SLC44A5: variants seen among roughly 807,000 people sequenced by gnomAD.
The protein encoded by SLC44A5 is solute carrier family 44 member 5, also known as choline transporter-like protein 5.
In SLC44A5, 57 loss-of-function variants were observed where a neutral mutation model predicts 101.8. The observed-to-expected ratio is 0.56, with a 90% CI of 0.45 to 0.70. SLC44A5 has a LOEUF of 0.70. Among genes scored for constraint, SLC44A5 ranks in the 30% least tolerant of loss-of-function variants. The pLI, the probability that SLC44A5 is intolerant of heterozygous loss-of-function variation, is 0.00. For synonymous variants in SLC44A5, 281 were observed against 290.9 expected (o/e 0.97, Z 0.35); for missense variants, 737 against 853.1 (o/e 0.86, Z 1.70).
chr1:75,397,267 G>A (rs529724803), intron 2 of SLC44A5, among the ~76,000 whole-genome samples: 16 of 152,234 alleles, frequency 1.1e-4, no homozygotes, highest in Admixed American at 3.3e-4. Flanking sequence ...GCATCCTAAT[G>A]CTTCAAGTGT....
At chr1:75,605,948 G>T (rs1237451801) in intron 1 of SLC44A5, among the ~76,000 whole-genome samples, 2 of 151,950 alleles carry the variant, frequency 1.3e-5, no homozygotes, top group Non-Finnish European at 2.9e-5. Flanking sequence ...ATCTTTTGTT[G>T]TGAGGAGGTA....
intron 2 of SLC44A5, among the ~76,000 whole-genome samples, chr1:75,466,347 A>G (rs1666813946): frequency 6.6e-6 from 1 of 152,126 alleles, no homozygotes; most frequent in South Asian, 2.1e-4. Flanking sequence ...AAAAATCCTC[A>G]AACAACTAGA....
chr1:75,642,219 A>C, the SLC44A5 span: 1 of 551,742 alleles, frequency 1.8e-6, no homozygotes, highest in East Asian at 3.0e-5. Context: ...GTTTCTGCTT[A>C]TACAATCACT....
At chr1:75,466,374 T>C (rs1436258667) in intron 2 of SLC44A5, among the ~76,000 whole-genome samples, 1 of 152,106 alleles carries the variant, frequency 6.6e-6, no homozygotes, top group Non-Finnish European at 1.5e-5. Context: ...AAGAACACAC[T>C]GGCCGGGTGT....
the SLC44A5 span, among the ~76,000 whole-genome samples, chr1:75,698,603 C>T: frequency 6.6e-6 from 1 of 152,238 alleles, no homozygotes; most frequent in Admixed American, 6.5e-5. Context: ...CGTCTCTCCT[C>T]CTCCAAAGGA....
the SLC44A5 span, chr1:75,710,007 G>A: frequency 6.6e-6 from 1 of 152,148 alleles, no homozygotes; most frequent in African/African-American, 2.4e-5. Flanking sequence ...GGTACATACT[G>A]TATGATTCCA....
At chr1:75,388,900 A>T (rs971704417) in intron 3 of SLC44A5, among the ~76,000 whole-genome samples, 1 of 152,128 alleles carries the variant, frequency 6.6e-6, no homozygotes, top group African/African-American at 2.4e-5. Flanking sequence ...AAAAGACCCA[A>T]CCTTTCTCTG....
chr1:75,249,055 G>A (rs964207833), intron 7 of SLC44A5, among the ~76,000 whole-genome samples: 6 of 152,204 alleles, frequency 3.9e-5, no homozygotes, highest in Non-Finnish European at 7.4e-5. Context: ...GAGAAATTGA[G>A]ATTACAAAGG....
chr1:75,238,541 T>C lies in SLC44A5; in HGVS notation c.628A>G (p.Ser210Gly), dbSNP rs1276417636. 6.2e-7 allele frequency: 1 copy of C among 1,605,344 alleles called. No individual in the cohort carries two copies. The change falls in exon 10 of 24, where the codon AGT becomes GGT. Residue 210 changes from serine (S) to glycine (G), a missense_variant. This residue lies in a region of SLC44A5 where 665 missense variants were observed against 764.4 expected (regional missense o/e 0.87). Coordinates refer to ENST00000370859, the MANE Select transcript of SLC44A5 (RefSeq NM_001130058.2). The part of the protein sequence containing the change: ...MFQDGNGGTR[S>G]VVELGIAANG... Reference sequence around the variant, plus strand: ...GCAGCAATCCCGAGTTCTACAACACTTCTTGTCCCTCCATTTCCATCTTGA... The same window carrying C: ...GCAGCAATCCCGAGTTCTACAACACCTCTTGTCCCTCCATTTCCATCTTGA...
chr1:75,476,628 C>A (rs1458429622), intron 2 of SLC44A5, among the ~76,000 whole-genome samples: 2 of 152,260 alleles, frequency 1.3e-5, no homozygotes, highest in Non-Finnish European at 2.9e-5. Context: ...GGGTCCTACG[C>A]CCACGGAGTC....
intron 2 of SLC44A5, among the ~76,000 whole-genome samples, chr1:75,455,524 T>G (rs1174447575): frequency 6.6e-6 from 1 of 152,052 alleles, no homozygotes; most frequent in Non-Finnish European, 1.5e-5. Flanking sequence ...TGAGAACTAA[T>G]TAAACTAAAG....
At chr1:75,408,124 G>A (rs576216547) in intron 2 of SLC44A5, among the ~76,000 whole-genome samples, 3 of 152,066 alleles carry the variant, frequency 2.0e-5, no homozygotes, top group Admixed American at 6.6e-5. Flanking sequence ...GCTCATTGTC[G>A]CTGGTCATTA....
chr1:75,565,872 G>A (rs1254525225), intron 1 of SLC44A5, among the ~76,000 whole-genome samples: 1 of 152,120 alleles, frequency 6.6e-6, no homozygotes. Context: ...GACCTTTATA[G>A]GTAATGAAGT....
Position 75,227,906 on chromosome 1 carries a change from A to G in SLC44A5, c.854-49T>C, listed in dbSNP as rs746359130. ...ATAATATAAAATATGATTTTCTGAA[A>G]TAGGAGCTATATGTGCTCATCATAC... On this transcript the variant is annotated intron_variant, in intron 12 of 23. Transcript: ENST00000370859. 8 of 1,465,192 alleles carry G rather than the reference A, an allele frequency of 5.5e-6. No homozygotes were observed. In the Admixed American group the frequency reaches 1.6e-4, roughly 28 times the overall value. The allele number at this position is 1,465,192 out of a possible 1,614,324, so 90.8% of individuals were successfully genotyped here. A position where few individuals can be genotyped will look rare whatever the true frequency, so the allele number is the denominator to read the frequency against.
intron 2 of SLC44A5, among the ~76,000 whole-genome samples, chr1:75,472,919 A>G (rs1667187033): frequency 6.6e-6 from 1 of 152,126 alleles, no homozygotes. Context: ...ACATATTATA[A>G]TCTTTGTGGG....
At chr1:75,536,600 C>CAAAAAAA (rs1192432333) in intron 2 of SLC44A5, among the ~76,000 whole-genome samples, 4 of 32,324 alleles carry the variant, frequency 1.2e-4, no homozygotes, top group African/African-American at 2.4e-4. Context: ...GACTCCATCT[C>CAAAAAAA]AAAAAAAAAA....
At chr1:75,632,365 T>G in the SLC44A5 span, among the ~76,000 whole-genome samples, 211 of 149,632 alleles carry the variant, frequency 1.4e-3, no homozygotes, top group African/African-American at 5.1e-3. Flanking sequence ...TATATGTATT[T>G]CAGAAGGAGC....
the SLC44A5 span, among the ~76,000 whole-genome samples, chr1:75,714,315 G>A: frequency 6.6e-6 from 1 of 152,080 alleles, no homozygotes; most frequent in Non-Finnish European, 1.5e-5. Context: ...GAAAAGTCTT[G>A]ATAAAAGTCA....
intron 2 of SLC44A5, among the ~76,000 whole-genome samples, chr1:75,455,334 T>C (rs1377751349): frequency 1.3e-5 from 2 of 152,046 alleles, no homozygotes; most frequent in Non-Finnish European, 2.9e-5. Context: ...GAAACTGGAC[T>C]CCTACATATC....
Sources: allele counts gnomAD v4.1 joint callset (sites outside exome capture counted in the v4.1 genomes callset), GRCh38; gene constraint gnomAD v4.1.1; regional missense constraint gnomAD v4.1.1; transcripts MANE v1.5; gene names NCBI Gene and HGNC (gene_info 2026-07-23, HGNC 2026-07-21).